The following CDH12 variants were observed in gnomAD, a reference collection of about 807,000 sequenced individuals.
The protein encoded by CDH12 is cadherin-12.
In CDH12, 41 loss-of-function variants were observed where a neutral mutation model predicts 74.1. The observed-to-expected ratio is 0.55, with a 90% CI of 0.43 to 0.72. CDH12 has a LOEUF of 0.72. CDH12 is among the 30% of genes least tolerant of loss of function. CDH12 has a pLI of 0.00. For synonymous variants in CDH12, 399 were observed against 355.0 expected, an observed-to-expected ratio of 1.12 and a Z score of -1.39; for missense variants, 945 against 977.2, an observed-to-expected ratio of 0.97 and a Z score of 0.44.
At chr5:22,461,482 CA>C (rs201972772) in intron 2 of CDH12, among the ~76,000 whole-genome samples, 6,588 of 121,716 alleles carry the variant, frequency 0.054, 192 homozygotes, top group Middle Eastern at 0.11. Flanking sequence ...TAAAAAAAAG[CA>C]AAAAAAAAAA....
chr5:22,453,328 C>A (rs1745128716), intron 2 of CDH12, among the ~76,000 whole-genome samples: 1 of 152,068 alleles, frequency 6.6e-6, no homozygotes, highest in South Asian at 2.1e-4. Context: ...AAAATGAGAT[C>A]AACCTAAGTG....
intron 1 of CDH12, among the ~76,000 whole-genome samples, chr5:22,638,119 G>T (rs1738935916): frequency 6.6e-6 from 1 of 152,154 alleles, no homozygotes; most frequent in African/African-American, 2.4e-5. Context: ...GTTTAATGAG[G>T]GAACTCATGT....
chr5:22,413,580 A>C (rs1188149054), intron 2 of CDH12, among the ~76,000 whole-genome samples: 1 of 152,052 alleles, frequency 6.6e-6, no homozygotes, highest in African/African-American at 2.4e-5. Flanking sequence ...GGATGCAGAC[A>C]TAATATTTTC....
At chr5:21,764,952 C>G in intron 12 of CDH12, 26 bp downstream of exon 12, 1 of 1,612,656 alleles carries the variant, frequency 6.2e-7, no homozygotes, top group South Asian at 1.1e-5. Context: ...TCTTTATACA[C>G]TCAAGGAACA....
chr5:22,457,258 T>C (rs1745315283), intron 2 of CDH12, among the ~76,000 whole-genome samples: 1 of 152,140 alleles, frequency 6.6e-6, no homozygotes. Flanking sequence ...ACAAGAGAAC[T>C]GTATTGCCTC....
At chr5:22,620,955 T>G (rs1737939985) in intron 1 of CDH12, among the ~76,000 whole-genome samples, 1 of 152,196 alleles carries the variant, frequency 6.6e-6, no homozygotes, top group Non-Finnish European at 1.5e-5. Flanking sequence ...ACTTAGCATC[T>G]TCAACAACAG....
intron 5 of CDH12, among the ~76,000 whole-genome samples, chr5:22,042,446 AG>A (rs1739638266): frequency 6.6e-6 from 1 of 152,154 alleles, no homozygotes; most frequent in Admixed American, 6.5e-5. Context: ...TAAAATCAAA[AG>A]TAAAAAAGGA....
rs371777632 is a variant in CDH12, at chr5:22,353,936, A to C, written c.-333+51321T>G. 5.9e-5 allele frequency among the ~76,000 whole-genome samples: 9 copies of C among 152,296 alleles called. No individual in the cohort carries two copies. In the East Asian group the frequency reaches 1.7e-3, roughly 29 times the overall value. On this transcript the variant is annotated intron_variant, in intron 3 of 14. Transcript: ENST00000382254. ...ACAGAATTAACAGGAATAAACACAAATATGAATGGCAGAAAATGTGCAGAT... is the reference window on the plus strand; with the variant it reads ...ACAGAATTAACAGGAATAAACACAACTATGAATGGCAGAAAATGTGCAGAT...
rs558543745 is a variant in CDH12 at position 22,306,154 on chromosome 5, C to A, written c.-332-93511G>T. On this transcript the variant is annotated intron_variant, in intron 3 of 14. Transcript: ENST00000382254. ...CTTTTGCCCCCCTCTACTACAAGAA[C>A]CCTTCTGCTCACCAGTTGCAATTTA... 1.5e-3 allele frequency among the ~76,000 whole-genome samples: 221 copies of A among 151,528 alleles called. 1 individual carries two copies. The highest frequency in any genetic ancestry group is 1.9e-3 in the Non-Finnish European group (127 of 68,014).
At chr5:22,236,291 G>A (rs1752556289) in intron 3 of CDH12, among the ~76,000 whole-genome samples, 3 of 151,798 alleles carry the variant, frequency 2.0e-5, no homozygotes, top group African/African-American at 7.3e-5. Context: ...TTCATTTTTT[G>A]AACTGTTTGA....
At chr5:22,425,168 T>TAA in intron 2 of CDH12, among the ~76,000 whole-genome samples, 1 of 118,700 alleles carries the variant, frequency 8.4e-6, no homozygotes, top group African/African-American at 3.1e-5. Context: ...TATATATATA[T>TAA]ATAAATATAT....
rs142611606 is a variant in CDH12, at chr5:22,432,043, T to C, written c.-427-26692A>G. ...TCACCCTAGGCGTTCAAACTCATGGTGAGTGAATGGTGACTCTGACTCACC... is the reference window on the plus strand; with the variant it reads ...TCACCCTAGGCGTTCAAACTCATGGCGAGTGAATGGTGACTCTGACTCACC... On this transcript the variant is annotated intron_variant, in intron 2 of 14. Transcript: ENST00000382254. Among the ~76,000 whole-genome samples, 24 of 152,246 alleles carry C rather than the reference T, an allele frequency of 1.6e-4. No homozygotes were observed. In the East Asian group the frequency reaches 4.3e-3, roughly 27 times the overall value.
intron 1 of CDH12, among the ~76,000 whole-genome samples, chr5:22,622,927 T>C (rs532568010): frequency 1.8e-4 from 28 of 152,264 alleles, no homozygotes; most frequent in Admixed American, 1.8e-3. Flanking sequence ...CTCAATAAAA[T>C]ACTGGCAAAC....
intron 1 of CDH12, among the ~76,000 whole-genome samples, chr5:22,822,596 A>G (rs1322765408): frequency 6.6e-6 from 1 of 152,252 alleles, no homozygotes; most frequent in African/African-American, 2.4e-5. Flanking sequence ...ATTTCTCAAA[A>G]GAAGACATTT....
At chr5:22,166,979 G>A (rs1748718293) in intron 4 of CDH12, among the ~76,000 whole-genome samples, 1 of 152,036 alleles carries the variant, frequency 6.6e-6, no homozygotes. Context: ...TTCAGTTGTT[G>A]ATCTTCAATT....
chr5:21,964,026 TAAG>T (rs768636944), intron 6 of CDH12, among the ~76,000 whole-genome samples: 8 of 152,058 alleles, frequency 5.3e-5, no homozygotes, highest in Non-Finnish European at 7.4e-5. Flanking sequence ...GGAAAAATTA[TAAG>T]AAGAATGAGA....
intron 1 of CDH12, among the ~76,000 whole-genome samples, chr5:22,766,830 G>T (rs1242074161): frequency 6.6e-6 from 1 of 152,058 alleles, no homozygotes; most frequent in East Asian, 1.9e-4. Context: ...TAAAGTGTAT[G>T]GGAGGATGTG....
chr5:22,705,669 TA>T (rs1742970733), intron 1 of CDH12, among the ~76,000 whole-genome samples: 1 of 152,006 alleles, frequency 6.6e-6, no homozygotes, highest in African/African-American at 2.4e-5. Flanking sequence ...ATGGTGTGGC[TA>T]AAAAATAAAG....
At chr5:22,404,357 A>G (rs1210838475) in intron 3 of CDH12, among the ~76,000 whole-genome samples, 1 of 152,090 alleles carries the variant, frequency 6.6e-6, no homozygotes, top group African/African-American at 2.4e-5. Flanking sequence ...GTCTCTATAC[A>G]TTTGGTATGT....
Sources: allele counts gnomAD v4.1 joint callset (sites outside exome capture counted in the v4.1 genomes callset), GRCh38; gene constraint gnomAD v4.1.1; transcripts MANE v1.5; gene names NCBI Gene and HGNC (gene_info 2026-07-23, HGNC 2026-07-21).